The following VWA2 variants were observed in gnomAD, a reference collection of about 807,000 sequenced individuals.
The protein encoded by VWA2 is von Willebrand factor A domain-containing protein 2.
VWA2 carries 73 observed loss-of-function variants against 70.4 expected under a neutral mutation model. The observed-to-expected ratio is 1.04, with a 90% CI of 0.86 to 1.26. The LOEUF (loss-of-function observed/expected upper bound fraction) is 1.26. Ranked by LOEUF, VWA2 falls within the 50% of genes most tolerant of loss-of-function variation. VWA2 has a pLI of 0.00. For synonymous variants in VWA2, 407 were observed against 423.3 expected, an observed-to-expected ratio of 0.96 and a Z score of 0.47; for missense variants, 1,011 against 998.5, an observed-to-expected ratio of 1.01 and a Z score of -0.17.
Position 114,294,168 on chromosome 10 carries a change from C to A in VWA2, c.*2931C>A, listed in dbSNP as rs138166135. Among the ~76,000 whole-genome samples, 49 of 152,226 alleles carry A rather than the reference C, an allele frequency of 3.2e-4. No homozygotes were observed. The East Asian group carries it at 8.3e-3, about 26-fold the overall frequency. Reference sequence around the variant, plus strand: ...ATTATGCATCATTCTATAAACCCTGCTGAATTTTTCATTTGCCAACATCTT... The same window carrying A: ...ATTATGCATCATTCTATAAACCCTGATGAATTTTTCATTTGCCAACATCTT... On this transcript the variant is annotated 3_prime_UTR_variant, in exon 14 of 14. Transcript: ENST00000392982.
chr10:114,282,998 T>C (rs1053291693), intron 9 of VWA2, among the ~76,000 whole-genome samples: 1 of 152,176 alleles, frequency 6.6e-6, no homozygotes, highest in Admixed American at 6.5e-5. Flanking sequence ...TAGTGAAGAT[T>C]CAGTAGATAA....
At chr10:114,271,463 G>A (rs1314436948) in intron 5 of VWA2, among the ~76,000 whole-genome samples, 1 of 152,172 alleles carries the variant, frequency 6.6e-6, no homozygotes, top group Admixed American at 6.5e-5. Context: ...TCTTCCTGCT[G>A]AATGGAGAGC....
chr10:114,281,657 A>T (rs1470227459), intron 8 of VWA2: 10 of 837,392 alleles, frequency 1.2e-5, no homozygotes, highest in Non-Finnish European at 1.4e-5. Context: ...CCTCGTGTGG[A>T]CACTTGTTGT....
intron 1 of VWA2, among the ~76,000 whole-genome samples, chr10:114,247,691 G>C (rs955239551): frequency 6.6e-6 from 1 of 151,990 alleles, no homozygotes; most frequent in Non-Finnish European, 1.5e-5. Flanking sequence ...GGAGCTGGAT[G>C]TATCTTGAGG....
At chr10:114,262,325 A>G (rs2037461909) in intron 5 of VWA2, among the ~76,000 whole-genome samples, 1 of 149,498 alleles carries the variant, frequency 6.7e-6, no homozygotes, top group South Asian at 2.1e-4. Flanking sequence ...TATACATATA[A>G]TATATATGAA....
At chr10:114,281,602 G>A (rs2038121680) in intron 8 of VWA2, 1 of 334,980 alleles carries the variant, frequency 3.0e-6, no homozygotes. Flanking sequence ...CAGCAGACCT[G>A]AGAAGTCATT....
At chr10:114,257,359 A>G (rs1164379431) in intron 4 of VWA2, among the ~76,000 whole-genome samples, 1 of 152,204 alleles carries the variant, frequency 6.6e-6, no homozygotes, top group Non-Finnish European at 1.5e-5. Context: ...GAATAACATA[A>G]AGAGAAGAAG....
intron 1 of VWA2, chr10:114,246,213 G>A (rs569765841): frequency 1.5e-5 from 16 of 1,066,126 alleles, no homozygotes; most frequent in East Asian, 1.0e-4. Context: ...AGAATATCAC[G>A]GGTTGGGCTG....
intron 11 of VWA2, 110 bp downstream of exon 11, chr10:114,286,621 A>G (rs2038937777): frequency 1.1e-6 from 1 of 901,906 alleles, no homozygotes; most frequent in Non-Finnish European, 1.6e-6. Context: ...AGGGGCTGAA[A>G]CCACAGCCCC....
intron 5 of VWA2, among the ~76,000 whole-genome samples, chr10:114,269,782 A>AGG (rs959321015): frequency 2.0e-5 from 3 of 152,126 alleles, no homozygotes; most frequent in Non-Finnish European, 4.4e-5. Flanking sequence ...ATGGACCACA[A>AGG]GGGAGGGGAG....
chr10:114,245,486 T>C (rs1250094571), intron 1 of VWA2, among the ~76,000 whole-genome samples: 2 of 152,192 alleles, frequency 1.3e-5, no homozygotes, highest in African/African-American at 4.8e-5. Context: ...AAAATCGTCC[T>C]GAACCTAAGG....
intron 5 of VWA2, among the ~76,000 whole-genome samples, chr10:114,261,763 T>A (rs1048866908): frequency 1.3e-5 from 2 of 152,230 alleles, no homozygotes; most frequent in Admixed American, 6.5e-5. Flanking sequence ...TATGTGCTTA[T>A]ACATATACAC....
At chr10:114,279,041 TA>T (rs1305429343) in intron 8 of VWA2, among the ~76,000 whole-genome samples, 190 bp downstream of exon 8, 1 of 152,094 alleles carries the variant, frequency 6.6e-6, no homozygotes, top group Non-Finnish European at 1.5e-5. Flanking sequence ...CAGCATCCCT[TA>T]ACACACAGCC....
In VWA2 at chr10:114,284,602, G is replaced by A. The variant is rs562789393; in HGVS notation, c.890-261G>A. Among the ~76,000 whole-genome samples, 321 of 152,326 alleles carry A rather than the reference G, an allele frequency of 2.1e-3. 2 individuals are homozygous for A. The highest frequency in any genetic ancestry group is 3.8e-3 in the Non-Finnish European group (261 of 68,028). On this transcript the variant is annotated intron_variant, in intron 9 of 13. Coordinates refer to ENST00000392982, the MANE Select transcript of VWA2 (RefSeq NM_001272046.2). ...CTACGGGGAGCTTCCTCCTTGTCAA[G>A]CTTCAGTCTAACACCAGTTCATCAC...
At chr10:114,290,015 G>A in intron 12 of VWA2, 1 of 390,860 alleles carries the variant, frequency 2.6e-6, no homozygotes, top group Non-Finnish European at 4.5e-6. Flanking sequence ...AAAAAAGTCT[G>A]CCATGTGTAT....
intron 8 of VWA2, among the ~76,000 whole-genome samples, chr10:114,281,953 C>T (rs1159687890): frequency 6.6e-6 from 1 of 151,138 alleles, no homozygotes. Flanking sequence ...AAAGCTGTTG[C>T]TACAGTTTGG....
At chr10:114,255,540 A>T (rs562306598) in intron 4 of VWA2, among the ~76,000 whole-genome samples, 2 of 152,248 alleles carry the variant, frequency 1.3e-5, no homozygotes, top group African/African-American at 4.8e-5. Flanking sequence ...CTCTGGAAAG[A>T]GAGGTTGGGT....
At chr10:114,281,677 ATAG>A in intron 8 of VWA2, 2 of 958,626 alleles carry the variant, frequency 2.1e-6, no homozygotes, top group Non-Finnish European at 2.5e-6. Context: ...TGTGGACCAG[ATAG>A]TAGCAGCACA....
Position 114,278,779 on chromosome 10 carries a change from C to T in VWA2, c.761C>T (p.Ala254Val), listed in dbSNP as rs887754331. The change falls in exon 8 of 14, where the codon GCT becomes GTT. Residue 254 changes from alanine to valine, a missense_variant. Physicochemically the swap from Ala to Val is moderately conservative, Grantham distance 64. Transcript: ENST00000392982. ...HRTLEMVREF[A>V]GNAPCWRGSR... Reference sequence around the variant, plus strand: ...ACGCTGGAGATGGTCCGGGAGTTCGCTGGCAATGCCCCATGCTGGAGAGGA... The same window carrying T: ...ACGCTGGAGATGGTCCGGGAGTTCGTTGGCAATGCCCCATGCTGGAGAGGA... The T allele has an allele frequency of 2.9e-5, 46 of 1,613,776 alleles. No individual in the cohort carries two copies. The highest frequency in any genetic ancestry group is 3.7e-5 in the Non-Finnish European group (44 of 1,180,050).
Sources: gnomAD v4.1 joint callset for allele counts (sites outside exome capture counted in the v4.1 genomes callset) on GRCh38, gnomAD v4.1.1 for gene constraint, MANE v1.5 for transcripts, NCBI Gene and HGNC (gene_info 2026-07-23, HGNC 2026-07-21) for gene names.